Variants in ZEB2 observed in about 807,000 individuals in gnomAD.
ZEB2 encodes the protein zinc finger E-box binding homeobox 2, also known as zinc finger E-box-binding homeobox 2.
In ZEB2, 6 loss-of-function variants were observed where a neutral mutation model predicts 99.9. That is an observed-to-expected ratio of 0.06 (90% CI 0.03 to 0.12). ZEB2 has a LOEUF of 0.12. Among genes scored for constraint, ZEB2 ranks in the 10% least tolerant of loss-of-function variants. The pLI, the probability that ZEB2 is intolerant of heterozygous loss-of-function variation, is 1.00. For missense variants in ZEB2, 969 were observed against 1,502.8 expected (o/e 0.64, Z 5.87); for synonymous variants, 517 against 542.5 (o/e 0.95, Z 0.65).
chr2:144,471,289 T>C (rs1177724848), intron 2 of ZEB2, among the ~76,000 whole-genome samples: 1 of 152,124 alleles, frequency 6.6e-6, no homozygotes, highest in African/African-American at 2.4e-5. Context: ...TATCCATTTT[T>C]TAAAGGGATG....
In ZEB2 at chr2:144,388,966, G is replaced by A. The variant is rs1703117969; in HGVS notation, c.*485C>T. 9 of 447,356 alleles carry A rather than the reference G, an allele frequency of 2.0e-5. No homozygotes were observed. The highest frequency in any genetic ancestry group is 1.2e-4 in the South Asian group (7 of 60,284). The allele number at this position is 447,356 out of a possible 1,614,324, so 27.7% of individuals were successfully genotyped here. On this transcript the variant is annotated 3_prime_UTR_variant, in exon 10 of 10. Coordinates refer to ENST00000627532, the MANE Select transcript of ZEB2 (RefSeq NM_014795.4). This position sits in a 1 kb window ranked among gnomAD's most constrained non-coding sequence, Gnocchi z 5.4. The stretch of plus-strand genomic sequence containing the variant: ...AAAAAATGGGAAATTGATGAATAGC[G>A]AAAGGAAAGTACAGAGGAATCATAA...
intron 2 of ZEB2, among the ~76,000 whole-genome samples, chr2:144,477,758 G>A (rs374025655): frequency 6.6e-6 from 1 of 152,140 alleles, no homozygotes; most frequent in Non-Finnish European, 1.5e-5. Flanking sequence ...TGACAGATGG[G>A]GAGACAGATG....
At chr2:144,514,647 C>T (rs989986948) in intron 2 of ZEB2, among the ~76,000 whole-genome samples, 1 of 152,204 alleles carries the variant, frequency 6.6e-6, no homozygotes, top group Admixed American at 6.5e-5. Flanking sequence ...CTTCTACCTG[C>T]TTCTCAAAAC....
rs1179071535 is a variant in ZEB2 at position 144,388,339 on chromosome 2, CTT to C, written c.*1110_*1111del. The C allele has an allele frequency of 6.6e-6, 1 of 152,560 alleles. No homozygotes were observed. Among genetic ancestry groups the C allele is most frequent in the Non-Finnish European group, 1.5e-5 (1 of 68,014 alleles). 9.5% of individuals were successfully genotyped at this position (152,560 alleles called of 1,614,324 possible). A position where few individuals can be genotyped will look rare whatever the true frequency, so the allele number is the denominator to read the frequency against. On this transcript the variant is annotated 3_prime_UTR_variant, in exon 10 of 10. Coordinates refer to ENST00000627532, the MANE Select transcript of ZEB2 (RefSeq NM_014795.4). This position sits in a 1 kb window ranked among gnomAD's most constrained non-coding sequence, Gnocchi z 5.4. ...TCCAAAACACAATAAATGCTCTTCT[CTT>C]TACGTAAAATTTGCCCAAATGATCA...
chr2:144,517,464 T>A (rs762680327), intron 1 of ZEB2, 45 bp from the exon 2 acceptor site: 4 of 1,363,118 alleles, frequency 2.9e-6, no homozygotes, highest in Non-Finnish European at 2.1e-6. Flanking sequence ...CCCGCGCCCA[T>A]TGAAACGCGC....
chr2:144,454,752 C>T (rs1173179289), intron 2 of ZEB2, among the ~76,000 whole-genome samples: 1 of 152,096 alleles, frequency 6.6e-6, no homozygotes, highest in Non-Finnish European at 1.5e-5. Flanking sequence ...AAGCTTCAAC[C>T]CTGCTCAGAA....
chr2:144,486,461 A>T (rs1704599414), intron 2 of ZEB2, among the ~76,000 whole-genome samples: 1 of 152,036 alleles, frequency 6.6e-6, no homozygotes, highest in Admixed American at 6.6e-5. Flanking sequence ...TCGGCAATTA[A>T]TTTTATCCTC....
At chr2:144,410,909 T>C (rs1703451182) in intron 4 of ZEB2, among the ~76,000 whole-genome samples, 1 of 151,598 alleles carries the variant, frequency 6.6e-6, no homozygotes, top group Non-Finnish European at 1.5e-5. Context: ...TCCATCCCCT[T>C]GTTTAATAAC....
intron 2 of ZEB2, among the ~76,000 whole-genome samples, chr2:144,478,437 A>G (rs1261601011): frequency 3.3e-5 from 5 of 152,312 alleles, no homozygotes; most frequent in African/African-American, 9.6e-5. Flanking sequence ...GAAGGGACAA[A>G]AGAGTTGTAT....
intron 2 of ZEB2, among the ~76,000 whole-genome samples, chr2:144,451,064 G>A (rs1366963755): frequency 6.6e-6 from 1 of 152,136 alleles, no homozygotes; most frequent in East Asian, 1.9e-4. Flanking sequence ...AACTGAGAGT[G>A]GGGGAGTCAT....
chr2:144,392,359 A>C (rs1167669583), intron 9 of ZEB2, among the ~76,000 whole-genome samples: 1 of 152,108 alleles, frequency 6.6e-6, no homozygotes, highest in African/African-American at 2.4e-5. Context: ...AGAGAGAGCA[A>C]GCATCCTCTG....
chr2:144,387,318 G>A lies in ZEB2; in HGVS notation c.*2133C>T, dbSNP rs1257436537. The A allele has an allele frequency of 6.6e-6, 1 of 151,898 alleles. No homozygotes were observed. The highest frequency in any genetic ancestry group is 1.5e-5 in the Non-Finnish European group (1 of 67,960). 9.4% of individuals were successfully genotyped at this position (151,898 alleles called of 1,614,324 possible). A position where few individuals can be genotyped will look rare whatever the true frequency, so the allele number is the denominator to read the frequency against. ...TATTCAAGAGCTGTAAATTTGATAA[G>A]GTAATCTGTTTTTTCTGTTATTCTT... On this transcript the variant is annotated 3_prime_UTR_variant, in exon 10 of 10. Transcript: ENST00000627532.
chr2:144,402,468 T>G (rs534532748), intron 6 of ZEB2, among the ~76,000 whole-genome samples: 4 of 152,180 alleles, frequency 2.6e-5, no homozygotes, highest in Non-Finnish European at 4.4e-5. Context: ...GCTCATATGT[T>G]GCTGAGTTGC....
In ZEB2 at chr2:144,389,486, C is replaced by T. The variant is rs750844030; in HGVS notation, c.3610G>A (p.Asp1204Asn). The change falls in exon 10 of 10, where the codon GAC becomes AAC. Residue 1204 changes from aspartate (D) to asparagine (N), a missense_variant. Around this residue, in one of 8 missense-constraint regions of ZEB2, gnomAD observed 121 missense variants for 166.4 expected, o/e 0.73. Transcript: ENST00000627532. This position sits in a 1 kb window ranked among gnomAD's most constrained non-coding sequence, Gnocchi z 6.8. ...TCTTCCATATTGTCTTCCTCGTGGT[C>T]TGATTTGGTTTCCATTTTCCCATCC... is the stretch of plus-strand genomic sequence containing the variant. ...SEDGKMETKS[D>N]HEEDNMEDGM The T allele has an allele frequency of 6.8e-6, 11 of 1,613,976 alleles. No individual in the cohort carries two copies. Among genetic ancestry groups the T allele is most frequent in the Non-Finnish European group, 9.3e-6 (11 of 1,180,018 alleles).
chr2:144,419,292 A>G (rs1703586665), intron 4 of ZEB2, among the ~76,000 whole-genome samples: 1 of 152,240 alleles, frequency 6.6e-6, no homozygotes, highest in South Asian at 2.1e-4. Context: ...GTTAGTTCTT[A>G]GACAAGAAAT....
intron 4 of ZEB2, among the ~76,000 whole-genome samples, chr2:144,419,980 T>C (rs932148269): frequency 2.4e-4 from 37 of 152,206 alleles, no homozygotes; most frequent in African/African-American, 8.7e-4. Flanking sequence ...TTCAGGGACT[T>C]AGATCCTAGT....
At chr2:144,429,309 GGAGGTGTCAGACAGACACT>G (rs1703735441) in intron 3 of ZEB2, 3 of 181,984 alleles carry the variant, frequency 1.6e-5, no homozygotes, top group Admixed American at 1.1e-4. Context: ...AATTCCAATA[GGAGGTGTCAGACAGACACT>G]GAAGCTACAT....
chr2:144,517,172 C>T, intron 2 of ZEB2, 106 bp downstream of exon 2: 2 of 1,402,536 alleles, frequency 1.4e-6, no homozygotes, highest in Admixed American at 1.8e-5. Context: ...GAGCCCTGGG[C>T]GCCGCCGCCG....
intron 4 of ZEB2, among the ~76,000 whole-genome samples, chr2:144,415,612 A>G (rs1703529100): frequency 6.6e-6 from 1 of 152,240 alleles, no homozygotes; most frequent in Admixed American, 6.5e-5. Context: ...CAGAACAAAG[A>G]GGAAGGGTCA....
Sources: gnomAD v4.1 joint callset for allele counts (sites outside exome capture counted in the v4.1 genomes callset) on GRCh38, gnomAD v4.1.1 for gene constraint, gnomAD v4.1.1 regional missense constraint, Gnocchi (gnomAD v3.1) non-coding constraint, MANE v1.5 for transcripts, NCBI Gene and HGNC (gene_info 2026-07-23, HGNC 2026-07-21) for gene names.